KCNMA1: variants seen among roughly 807,000 people sequenced by gnomAD.
KCNMA1 encodes potassium calcium-activated channel subfamily M alpha 1, also known as Calcium-activated potassium channel subunit alpha-1.
In KCNMA1, 29 loss-of-function variants were observed where a neutral mutation model predicts 140.0. The observed-to-expected ratio is 0.21, with a 90% CI of 0.15 to 0.28. KCNMA1 has a LOEUF of 0.28. Among genes scored for constraint, KCNMA1 ranks in the 10% least tolerant of loss-of-function variants. KCNMA1 has a pLI of 1.00. For missense variants in KCNMA1, 880 were observed against 1,602.2 expected, an observed-to-expected ratio of 0.55 and a Z score of 7.70; for synonymous variants, 612 against 611.9, an observed-to-expected ratio of 1.00 and a Z score of 0.00.
At chr10:76,941,158 G>C (rs1361430230) in intron 23 of KCNMA1, among the ~76,000 whole-genome samples, 1 of 79,352 alleles carries the variant, frequency 1.3e-5, no homozygotes, top group Non-Finnish European at 2.9e-5. Context: ...GGGAAGGGAG[G>C]GAAGGGAAGG....
intron 3 of KCNMA1, among the ~76,000 whole-genome samples, chr10:77,211,772 T>C (rs2164443): frequency 0.24 from 36,511 of 151,812 alleles, 4,818 homozygotes; most frequent in Non-Finnish European, 0.28. Flanking sequence ...ATAATCCCAC[T>C]AAAAAATGGA....
chr10:77,043,990 GT>G (rs2153599123), intron 14 of KCNMA1, among the ~76,000 whole-genome samples: 1 of 152,280 alleles, frequency 6.6e-6, no homozygotes, highest in South Asian at 2.1e-4. Flanking sequence ...AGTAAATTTT[GT>G]ATGTGTATTT....
chr10:77,200,806 T>A (rs1331661528), intron 3 of KCNMA1, among the ~76,000 whole-genome samples: 2 of 152,170 alleles, frequency 1.3e-5, no homozygotes, highest in Non-Finnish European at 2.9e-5. Context: ...AAATTACAGA[T>A]AACAGATTAT....
chr10:77,531,577 G>A (rs993132718), intron 1 of KCNMA1, among the ~76,000 whole-genome samples: 3 of 152,214 alleles, frequency 2.0e-5, no homozygotes, highest in African/African-American at 2.4e-5. Flanking sequence ...AAGGGACTCC[G>A]GCTGTGCATG....
intron 2 of KCNMA1, among the ~76,000 whole-genome samples, chr10:77,395,216 G>T (rs1025848740): frequency 1.3e-5 from 2 of 151,972 alleles, no homozygotes; most frequent in African/African-American, 4.8e-5. Flanking sequence ...ATGTCATGGT[G>T]GCCTGCACCT....
intron 20 of KCNMA1, 30 bp from the exon 21 acceptor site, chr10:76,953,954 TG>T: frequency 6.2e-7 from 1 of 1,612,442 alleles, no homozygotes; most frequent in Non-Finnish European, 8.5e-7. Flanking sequence ...AAAACCTAAG[TG>T]GAAAATGTGA....
intron 23 of KCNMA1, among the ~76,000 whole-genome samples, chr10:76,941,947 TTTTAC>T (rs2062569667): frequency 6.6e-6 from 1 of 152,092 alleles, no homozygotes; most frequent in Non-Finnish European, 1.5e-5. Context: ...CTCAGGCTTC[TTTTAC>T]TTTATTTATT....
chr10:77,029,581 C>T (rs1397904083), intron 15 of KCNMA1, among the ~76,000 whole-genome samples: 1 of 152,052 alleles, frequency 6.6e-6, no homozygotes, highest in Non-Finnish European at 1.5e-5. Context: ...AGTGAATAAA[C>T]AATAAATTCC....
chr10:77,530,240 T>C (rs2057274506), intron 1 of KCNMA1, among the ~76,000 whole-genome samples: 1 of 152,176 alleles, frequency 6.6e-6, no homozygotes, highest in Non-Finnish European at 1.5e-5. Context: ...AATGATGCTA[T>C]TGACCAGGAT....
At chr10:77,307,835 C>T (rs973882873) in intron 2 of KCNMA1, among the ~76,000 whole-genome samples, 1 of 152,294 alleles carries the variant, frequency 6.6e-6, no homozygotes, top group South Asian at 2.1e-4. Flanking sequence ...AGGCATGAGC[C>T]ACTGCACCCG....
chr10:77,591,044 C>T (rs1001004396), intron 1 of KCNMA1, among the ~76,000 whole-genome samples: 5 of 152,174 alleles, frequency 3.3e-5, no homozygotes, highest in East Asian at 1.9e-4. Context: ...CAGCAGACAG[C>T]GAGCAAGGCC....
chr10:77,112,081 T>C (rs2097339214), intron 7 of KCNMA1, among the ~76,000 whole-genome samples: 1 of 152,150 alleles, frequency 6.6e-6, no homozygotes, highest in South Asian at 2.1e-4. Context: ...TGTGGCTTAC[T>C]ATAGTTATTG....
At chr10:77,145,325 AT>A (rs371263689) in intron 5 of KCNMA1, among the ~76,000 whole-genome samples, 417 of 152,376 alleles carry the variant, frequency 2.7e-3, no homozygotes, top group Non-Finnish European at 4.4e-3. Flanking sequence ...ACAAGAAAGG[AT>A]TTCTTATAAA....
At chr10:77,269,838 C>A (rs1165965233) in intron 2 of KCNMA1, among the ~76,000 whole-genome samples, 1 of 152,112 alleles carries the variant, frequency 6.6e-6, no homozygotes, top group African/African-American at 2.4e-5. Flanking sequence ...GGAGGAGCCC[C>A]ATCTCCCCTA....
chr10:76,958,909 A>G (rs988927648), intron 20 of KCNMA1, among the ~76,000 whole-genome samples: 1 of 152,190 alleles, frequency 6.6e-6, no homozygotes, highest in Admixed American at 6.5e-5. Context: ...AAACAGGCAC[A>G]ATATATCAGA....
intron 20 of KCNMA1, among the ~76,000 whole-genome samples, chr10:76,954,671 C>A (rs1336288729): frequency 6.6e-6 from 1 of 152,194 alleles, no homozygotes; most frequent in Admixed American, 6.5e-5. Flanking sequence ...TGATGCTCCC[C>A]ACCACCTTCA....
At chr10:77,237,821 A>G (rs1264837443) in intron 3 of KCNMA1, among the ~76,000 whole-genome samples, 1 of 152,146 alleles carries the variant, frequency 6.6e-6, no homozygotes, top group African/African-American at 2.4e-5. Flanking sequence ...TGAATATACA[A>G]TTCTGGCCCA....
chr10:76,954,018 A>G, intron 20 of KCNMA1, 94 bp from the exon 21 acceptor site: 2 of 1,379,544 alleles, frequency 1.4e-6, no homozygotes, highest in Non-Finnish European at 2.0e-6. Flanking sequence ...GATGTGAAAG[A>G]TGCAGAGGAA....
At chr10:77,563,762 C>G (rs2154559368) in intron 1 of KCNMA1, among the ~76,000 whole-genome samples, 1 of 152,322 alleles carries the variant, frequency 6.6e-6, no homozygotes, top group East Asian at 1.9e-4. Flanking sequence ...CTACACATTG[C>G]AGGCCCAGGG....
Sources: gnomAD v4.1 joint callset for allele counts (sites outside exome capture counted in the v4.1 genomes callset) on GRCh38, gnomAD v4.1.1 for gene constraint, MANE v1.5 for transcripts, NCBI Gene and HGNC (gene_info 2026-07-23, HGNC 2026-07-21) for gene names.